Variants in PLEKHM2 observed in about 807,000 individuals in gnomAD.
The protein encoded by PLEKHM2 is pleckstrin homology and RUN domain containing M2.
A neutral mutation model predicts 116.3 loss-of-function variants in PLEKHM2; 77 were observed. The observed-to-expected ratio is 0.66, with a 90% confidence interval of 0.55 to 0.80. The LOEUF (loss-of-function observed/expected upper bound fraction) is 0.80, where lower values mean the gene tolerates loss of function less well. PLEKHM2 is among the 30% of genes least tolerant of loss of function. The probability of loss-of-function intolerance (pLI) is 0.00; values close to 1 mark genes in which losing one functional copy is unlikely to be tolerated. For missense variants in PLEKHM2, 1,183 were observed against 1,354.9 expected (o/e 0.87, Z 1.99); for synonymous variants, 562 against 571.0 (o/e 0.98, Z 0.22).
At position 15,727,212 on chromosome 1, in the gene PLEKHM2, C is replaced by A; in HGVS notation, c.1140C>A (p.Ser380Arg). ...ASPQEEGEGP[S>R]STTESSERSE... Reference sequence around the variant, plus strand: ...CCCAGGAGGAGGGAGAGGGGCCGAGCAGCACCACGGAGAGCAGCGAGCGCT... The same window carrying A: ...CCCAGGAGGAGGGAGAGGGGCCGAGAAGCACCACGGAGAGCAGCGAGCGCT... The change falls in exon 9 of 20, where the codon AGC becomes AGA. Residue 380 changes from serine to arginine, a missense_variant. By Grantham distance (110) the Ser-to-Arg change is moderately radical (BLOSUM62 -1). Around this residue, in one of 3 missense-constraint regions of PLEKHM2, gnomAD observed 372 missense variants for 357.2 expected, o/e 1.04. Transcript: ENST00000375799. This position sits in a 1 kb window ranked among gnomAD's most constrained non-coding sequence, Gnocchi z 7.5. 6.2e-7 allele frequency: 1 copy of A among 1,606,690 alleles called. No individual in the cohort carries two copies. Among genetic ancestry groups the A allele is most frequent in the Non-Finnish European group, 8.5e-7 (1 of 1,177,466 alleles).
intron 1 of PLEKHM2, among the ~76,000 whole-genome samples, chr1:15,707,556 G>C (rs1432057659): frequency 3.3e-5 from 5 of 152,198 alleles, no homozygotes; most frequent in Non-Finnish European, 5.9e-5. Flanking sequence ...CCCTGCCCTA[G>C]ACTCCCACGA....
chr1:15,732,082 T>C (rs1226891805), intron 17 of PLEKHM2, 34 bp downstream of exon 17: 3 of 1,594,814 alleles, frequency 1.9e-6, no homozygotes, highest in Admixed American at 3.4e-5. Context: ...CTCACCTGGC[T>C]TGCCTGACCC....
chr1:15,699,711 G>T (rs1287913128), intron 1 of PLEKHM2, among the ~76,000 whole-genome samples: 1 of 152,098 alleles, frequency 6.6e-6, no homozygotes, highest in Non-Finnish European at 1.5e-5. Context: ...AGGAGAGTGG[G>T]CCGGGTATGA....
chr1:15,684,607 T>C lies in PLEKHM2; in HGVS notation c.49T>C (p.Ser17Pro). 1 of 1,311,580 alleles carries C rather than the reference T, an allele frequency of 7.6e-7. No homozygotes were observed. Among genetic ancestry groups the C allele is most frequent in the South Asian group, 2.4e-5 (1 of 42,294 alleles). 81.2% of individuals were successfully genotyped at this position (1,311,580 alleles called of 1,614,324 possible). Residue 17 changes from serine to proline, a missense_variant, in exon 1 of 20, where the codon TCG becomes CCG. Ser to Pro is a moderately conservative substitution (Grantham distance 74). Transcript: ENST00000375799. Reference sequence around the variant, plus strand: ...CCGGATCCTGGAGAACATCTCGCTGTCGGTGAAGAAGGTGAGCGCGGCCTC... The same window carrying C: ...CCGGATCCTGGAGAACATCTCGCTGCCGGTGAAGAAGGTGAGCGCGGCCTC... ...KDRILENISL[S>P]VKKLQSYFAA... is the part of the protein sequence containing the mutation.
rs373219875 is a variant in PLEKHM2 at position 15,729,920 on chromosome 1, G to A, written c.2199G>A (p.Ser733=). 308 of 1,611,418 alleles carry A rather than the reference G, an allele frequency of 1.9e-4. No individual in the cohort carries two copies. The highest frequency in any genetic ancestry group is 2.5e-4 in the Non-Finnish European group (291 of 1,179,526). Residue 733 remains serine, a synonymous_variant, in exon 14 of 20, where the codon TCG becomes TCA. Transcript: ENST00000375799. This position sits in a 1 kb window ranked among gnomAD's most constrained non-coding sequence, Gnocchi z 4.7. ...TGGCCAAATTTGTGGCCCAAGAATC[G>A]AAGTGTGAGGTAAGAACCTGGGGAG... ...LALAKFVAQE[S]KCEASAVTVR...
At chr1:15,724,757 C>A (rs1467601440) in intron 7 of PLEKHM2, among the ~76,000 whole-genome samples, 1 of 152,196 alleles carries the variant, frequency 6.6e-6, no homozygotes, top group Non-Finnish European at 1.5e-5. Flanking sequence ...CCACTCTGCA[C>A]CCCTCACTTT....
At chr1:15,706,783 C>T (rs1641235706) in intron 1 of PLEKHM2, among the ~76,000 whole-genome samples, 1 of 152,098 alleles carries the variant, frequency 6.6e-6, no homozygotes, top group African/African-American at 2.4e-5. Flanking sequence ...TTTTTCATAG[C>T]ACTTACTACT....
At chr1:15,713,248 G>A (rs759509330) in intron 1 of PLEKHM2, among the ~76,000 whole-genome samples, 3 of 152,052 alleles carry the variant, frequency 2.0e-5, no homozygotes, top group Admixed American at 6.6e-5. Flanking sequence ...GCCACCACTC[G>A]TGGCATTCCT....
At chr1:15,695,138 G>T (rs1489720550) in intron 1 of PLEKHM2, among the ~76,000 whole-genome samples, 1 of 152,146 alleles carries the variant, frequency 6.6e-6, no homozygotes, top group African/African-American at 2.4e-5. Context: ...TAAGGAAGAA[G>T]GTATTAGTTT....
chr1:15,715,921 T>C (rs1020830646), intron 1 of PLEKHM2, among the ~76,000 whole-genome samples: 5 of 152,262 alleles, frequency 3.3e-5, no homozygotes, highest in Admixed American at 2.6e-4. Flanking sequence ...TGCCATGCTG[T>C]GGCCCTGGCC....
chr1:15,681,513 C>T (rs747225182), upstream of PLEKHM2: 4 of 464,572 alleles, frequency 8.6e-6, no homozygotes, highest in South Asian at 3.1e-5. Context: ...CCCAGCAGAA[C>T]GCAGTGCTCA....
At chr1:15,682,619 AAAAAC>A (rs1465840179), upstream of PLEKHM2, among the ~76,000 whole-genome samples, 3 of 121,474 alleles carry the variant, frequency 2.5e-5, no homozygotes, top group African/African-American at 8.2e-5. Flanking sequence ...GCTCTGTCTC[AAAAAC>A]AAACAAAACA....
intron 1 of PLEKHM2, among the ~76,000 whole-genome samples, chr1:15,708,474 CA>C (rs1641268483): frequency 6.6e-6 from 1 of 152,222 alleles, no homozygotes; most frequent in South Asian, 2.1e-4. Context: ...CTCGGCCTCC[CA>C]AAGTGCTGGG....
At chr1:15,684,712 T>A in intron 1 of PLEKHM2, 94 bp downstream of exon 1, 1 of 357,600 alleles carries the variant, frequency 2.8e-6, no homozygotes, top group African/African-American at 9.1e-5. Context: ...CCCCCGCCCT[T>A]CCCCTCCGCG....
chr1:15,725,875 G>C (rs2068057986), intron 8 of PLEKHM2: 1 of 350,298 alleles, frequency 2.9e-6, no homozygotes, highest in South Asian at 3.5e-5. Context: ...TCTTCTCGCT[G>C]TGTTGTGGCG....
intron 1 of PLEKHM2, among the ~76,000 whole-genome samples, chr1:15,689,945 AG>A (rs1465731872): frequency 6.6e-6 from 1 of 152,080 alleles, no homozygotes; most frequent in Non-Finnish European, 1.5e-5. Flanking sequence ...TAGTAGAGAC[AG>A]GGTTTCGCCA....
chr1:15,697,168 G>A (rs1476096346), intron 1 of PLEKHM2, among the ~76,000 whole-genome samples: 6 of 152,154 alleles, frequency 3.9e-5, no homozygotes, highest in East Asian at 1.9e-4. Flanking sequence ...CTTCTCCTCC[G>A]CCAGTGCCAC....
chr1:15,701,763 C>G (rs897655723), intron 1 of PLEKHM2, among the ~76,000 whole-genome samples: 1 of 152,184 alleles, frequency 6.6e-6, no homozygotes, highest in Non-Finnish European at 1.5e-5. Context: ...TGCACTCCAG[C>G]CTGGGGAACA....
chr1:15,716,347 A>T lies in PLEKHM2; in HGVS notation c.167+4A>T. On this transcript the variant is annotated splice_donor_region_variant and intron_variant, in intron 2 of 19. Transcript: ENST00000375799. ...TGGACCACGCCCTGCTGTACGGGTA[A>T]GGTGGAGGAAGTTTCCAAAGATGAC... 1 of 1,560,448 alleles carries T rather than the reference A, an allele frequency of 6.4e-7. No individual in the cohort carries two copies. The highest frequency in any genetic ancestry group is 8.7e-7 in the Non-Finnish European group (1 of 1,143,166).
Sources: gnomAD v4.1 joint callset for allele counts (sites outside exome capture counted in the v4.1 genomes callset) on GRCh38, gnomAD v4.1.1 for gene constraint, gnomAD v4.1.1 regional missense constraint, Gnocchi (gnomAD v3.1) non-coding constraint, MANE v1.5 for transcripts, NCBI Gene and HGNC (gene_info 2026-07-23, HGNC 2026-07-21) for gene names.